Variants in ACAN observed in about 807,000 individuals in gnomAD.
ACAN encodes aggrecan core protein.
A neutral mutation model predicts 169.1 loss-of-function variants in ACAN; 47 were observed. That is an observed-to-expected ratio of 0.28 (90% confidence interval 0.22 to 0.35). The LOEUF (loss-of-function observed/expected upper bound fraction) is 0.35. Ranked by LOEUF, ACAN falls within the 10% of genes least tolerant of loss-of-function variation. ACAN has a pLI of 1.00. For missense variants in ACAN, 2,716 were observed against 2,759.9 expected, an observed-to-expected ratio of 0.98 and a Z score of 0.36; for synonymous variants, 1,115 against 1,112.2, an observed-to-expected ratio of 1.00 and a Z score of -0.05.
At position 88,847,193 on chromosome 15, in the gene ACAN, G is replaced by A. The variant is rs191413025; in HGVS notation, c.1430-50G>A. 8,091 of 1,485,210 alleles carry A rather than the reference G, an allele frequency of 5.4e-3. 362 individuals are homozygous for A. In the African/African-American group the frequency reaches 0.1, roughly 18 times the overall value. The allele number at this position is 1,485,210 out of a possible 1,614,324, so 92.0% of individuals were successfully genotyped here. ...CCTCTGTGCCCATGGAGCCTTGGAA[G>A]CTGCACACCGTGGGTCCCTGAACCT... On this transcript the variant is annotated intron_variant, in intron 7 of 18. Transcript: ENST00000560601.
Position 88,855,127 on chromosome 15 carries a change from G to GTGCCCAGCTGGACTGAGC in ACAN, c.2552_2569dup (p.Trp851_Ser856dup). 1 of 1,607,666 alleles carries GTGCCCAGCTGGACTGAGC rather than the reference G, an allele frequency of 6.2e-7. No individual in the cohort carries two copies. Among genetic ancestry groups the GTGCCCAGCTGGACTGAGC allele is most frequent in the Non-Finnish European group, 8.5e-7 (1 of 1,176,486 alleles). ...AGAGCCGTATACACCTTCACCCCCC[G>GTGCCCAGCTGGACTGAGC]TGCCCAGCTGGACTGAGCTGCCCAG... On this transcript the variant is annotated inframe_insertion, in exon 12 of 19. Coordinates refer to ENST00000560601, the MANE Select transcript of ACAN (RefSeq NM_001369268.1).
In ACAN at chr15:88,871,194, A is replaced by G. The variant is rs1897370071; in HGVS notation, c.7061-188A>G. Among the ~76,000 whole-genome samples the G allele has an allele frequency of 6.6e-6, 1 of 152,172 alleles. No homozygotes were observed. The highest frequency in any genetic ancestry group is 2.4e-5 in the African/African-American group (1 of 41,438). ...CCCTGGCATTTTCCCGAGTGGAAGCATGTGCAGAGGCTCCCAGGGACCAGA... is the reference window on the plus strand; with the variant it reads ...CCCTGGCATTTTCCCGAGTGGAAGCGTGTGCAGAGGCTCCCAGGGACCAGA... On this transcript the variant is annotated intron_variant, in intron 14 of 18. Transcript: ENST00000560601. The surrounding 1 kb of genome is among the most constrained non-coding windows in gnomAD (Gnocchi z 7.8).
intron 1 of ACAN, among the ~76,000 whole-genome samples, chr15:88,817,798 G>A (rs1895977017): frequency 7.4e-6 from 1 of 134,898 alleles, no homozygotes; most frequent in African/African-American, 2.8e-5. Flanking sequence ...AGGTTGCAGT[G>A]AGCCCAGATC....
intron 1 of ACAN, among the ~76,000 whole-genome samples, chr15:88,827,353 C>T (rs1896249584): frequency 6.6e-6 from 1 of 152,170 alleles, no homozygotes. Context: ...GGTGGGGGGC[C>T]CCATTGTTTG....
chr15:88,857,452 A>G lies in ACAN; in HGVS notation c.4867A>G (p.Ser1623Gly), dbSNP rs1897081930. 2 of 1,613,908 alleles carry G rather than the reference A, an allele frequency of 1.2e-6. No individual in the cohort carries two copies. Among genetic ancestry groups the G allele is most frequent in the Non-Finnish European group, 1.7e-6 (2 of 1,179,896 alleles). The change falls in exon 12 of 19, where the codon AGT becomes GGT. Residue 1623 changes from serine to glycine, a missense_variant. Transcript: ENST00000560601. ...AGGAAGTGGGCAAGCTCCAGAAACA[A>G]GTGGTCTTCCCTCTGGATTTAGTGG... ...TLGSGQAPET[S>G]GLPSGFSGEY...
intron 9 of ACAN, 84 bp downstream of exon 9, chr15:88,848,122 G>T (rs1896840687): frequency 6.5e-7 from 1 of 1,542,380 alleles, no homozygotes; most frequent in Non-Finnish European, 8.8e-7. Flanking sequence ...AGAAGAGAGG[G>T]GGTTACCACC....
chr15:88,826,216 T>C (rs188477451), intron 1 of ACAN, among the ~76,000 whole-genome samples: 56 of 152,316 alleles, frequency 3.7e-4, no homozygotes, highest in African/African-American at 1.2e-3. Context: ...ATGATGATCA[T>C]GCTTTTGTAG....
At chr15:88,853,749 G>T (rs138169651) in intron 11 of ACAN, among the ~76,000 whole-genome samples, 1 of 124,666 alleles carries the variant, frequency 8.0e-6, no homozygotes, top group Middle Eastern at 3.9e-3. Flanking sequence ...TAGATAGATA[G>T]ATAGATACAT....
rs1270782611 is a variant in ACAN, at chr15:88,838,652, C to T, written c.71-11C>T. ...AACAGGTCTCTCTTCTACCCCACCT[C>T]TCCCACACAGACCATGACAACTCGC... On this transcript the variant is annotated splice_polypyrimidine_tract_variant and intron_variant, in intron 2 of 18. Coordinates refer to ENST00000560601, the MANE Select transcript of ACAN (RefSeq NM_001369268.1). This position sits in a 1 kb window ranked among gnomAD's most constrained non-coding sequence, Gnocchi z 5.1. 1 of 1,569,180 alleles carries T rather than the reference C, an allele frequency of 6.4e-7. No individual in the cohort carries two copies. The highest frequency in any genetic ancestry group is 1.3e-5 in the African/African-American group (1 of 74,398).
At chr15:88,833,689 A>G (rs1896422572) in intron 1 of ACAN, among the ~76,000 whole-genome samples, 1 of 151,864 alleles carries the variant, frequency 6.6e-6, no homozygotes, top group South Asian at 2.1e-4. Context: ...AAAAAGAAAT[A>G]AAATTAGTTT....
chr15:88,815,150 T>C, intron 1 of ACAN, among the ~76,000 whole-genome samples: 1 of 152,142 alleles, frequency 6.6e-6, no homozygotes, highest in African/African-American at 2.4e-5. Context: ...CCTCTCTTGG[T>C]TCCACTAGAA....
rs979192306 is a variant in ACAN at position 88,866,029 on chromosome 15, C to T, written c.6947-2187C>T. ...CCGTGAAAAAAAAAATTCTGAGCCC[C>T]GGAATTTGTTCCTTCAGTCCCCGCA... On this transcript the variant is annotated intron_variant, in intron 13 of 18. Coordinates refer to ENST00000560601, the MANE Select transcript of ACAN (RefSeq NM_001369268.1). This position sits in a 1 kb window ranked among gnomAD's most constrained non-coding sequence, Gnocchi z 5.6. 6.6e-5 allele frequency among the ~76,000 whole-genome samples: 10 copies of T among 152,274 alleles called. No individual in the cohort carries two copies. Among genetic ancestry groups the T allele is most frequent in the Admixed American group, 5.9e-4 (9 of 15,294 alleles).
At chr15:88,812,131 C>A (rs990519121) in intron 1 of ACAN, among the ~76,000 whole-genome samples, 3 of 152,158 alleles carry the variant, frequency 2.0e-5, no homozygotes, top group African/African-American at 7.2e-5. Flanking sequence ...CTCGGGTTAG[C>A]GCCTCGGCCT....
chr15:88,874,467 A>G lies in ACAN; in HGVS notation c.7693A>G (p.Ser2565Gly), dbSNP rs2030777200. Residue 2565 changes from serine (S) to glycine (G), a missense_variant, in exon 19 of 19, where the codon AGC (serine) becomes GGC (glycine). Physicochemically the swap from Ser to Gly is moderately conservative, Grantham distance 56. Transcript: ENST00000560601. The surrounding 1 kb of genome is among the most constrained non-coding windows in gnomAD (Gnocchi z 7.3). ...SSRHPRRSRP[S>G]TAH is the part of the protein sequence containing the mutation. Reference sequence around the variant, plus strand: ...ACGGCACCCTCGGAGGAGCCGCCCCAGCACAGCCCACTGAGAAGAGCTTCC... The same window carrying G: ...ACGGCACCCTCGGAGGAGCCGCCCCGGCACAGCCCACTGAGAAGAGCTTCC... 2.5e-6 allele frequency: 4 copies of G among 1,603,608 alleles called. No individual in the cohort carries two copies. The highest frequency in any genetic ancestry group is 3.4e-6 in the Non-Finnish European group (4 of 1,175,482).
At position 88,874,928 on chromosome 15, in the gene ACAN, A is replaced by G. The variant is rs995488308; in HGVS notation, c.*447A>G. 4 of 324,644 alleles carry G rather than the reference A, an allele frequency of 1.2e-5. No individual in the cohort carries two copies. The highest frequency in any genetic ancestry group is 8.6e-5 in the African/African-American group (4 of 46,270). The allele number at this position is 324,644 out of a possible 1,614,324, so 20.1% of individuals were successfully genotyped here. Reference sequence around the variant, plus strand: ...GGGCTCCAAAGGAGCTGGAAGGAGCAGAGGCCTGAGAGCAGGAAGAACTCG... The same window carrying G: ...GGGCTCCAAAGGAGCTGGAAGGAGCGGAGGCCTGAGAGCAGGAAGAACTCG... On this transcript the variant is annotated 3_prime_UTR_variant, in exon 19 of 19. Coordinates refer to ENST00000560601, the MANE Select transcript of ACAN (RefSeq NM_001369268.1). This position sits in a 1 kb window ranked among gnomAD's most constrained non-coding sequence, Gnocchi z 7.3.
rs59061953 is a variant in ACAN, at chr15:88,841,495, G to GA, written c.630-238dup. Among the ~76,000 whole-genome samples, 33,378 of 112,678 alleles carry GA rather than the reference G, an allele frequency of 0.3. 4,952 individuals are homozygous for GA. The highest frequency in any genetic ancestry group is 0.49 in the African/African-American group (17,697 of 35,962). 73.9% of individuals were successfully genotyped at this position (112,678 alleles called of 152,430 possible). ...AATATTTACTATCTTGCCTTTTATA[G>GA]AAAAAAATATGTGAGCCCCTGATAG... On this transcript the variant is annotated intron_variant, in intron 4 of 18. Transcript: ENST00000560601.
At position 88,873,032 on chromosome 15, in the gene ACAN, T is replaced by G; in HGVS notation, c.7447+7T>G. The G allele has an allele frequency of 1.2e-6, 2 of 1,611,726 alleles. No individual in the cohort carries two copies. The highest frequency in any genetic ancestry group is 1.7e-6 in the Non-Finnish European group (2 of 1,178,952). ...ACGTGTAAAAAGGGCACAGGTAAGCTGGCGCCTGGGAGGGGTCAGGGGAGG... is the reference window on the plus strand; with the variant it reads ...ACGTGTAAAAAGGGCACAGGTAAGCGGGCGCCTGGGAGGGGTCAGGGGAGG... On this transcript the variant is annotated splice_region_variant and intron_variant, in intron 17 of 18. Coordinates refer to ENST00000560601, the MANE Select transcript of ACAN (RefSeq NM_001369268.1). This position sits in a 1 kb window ranked among gnomAD's most constrained non-coding sequence, Gnocchi z 7.5.
chr15:88,843,960 G>C lies in ACAN; in HGVS notation c.1051+312G>C, dbSNP rs767933898. On this transcript the variant is annotated intron_variant, in intron 6 of 18. Transcript: ENST00000560601. The surrounding 1 kb of genome is among the most constrained non-coding windows in gnomAD (Gnocchi z 4.0). ...CCTACTACTGTGCAACCCTGGCAAA[G>C]TCAAGGCTGTGAACCTCACTCTTCT... is the stretch of plus-strand genomic sequence containing the variant. Among the ~76,000 whole-genome samples, 8 of 152,160 alleles carry C rather than the reference G, an allele frequency of 5.3e-5. No homozygotes were observed. The highest frequency in any genetic ancestry group is 1.0e-4 in the Non-Finnish European group (7 of 68,026).
intron 1 of ACAN, among the ~76,000 whole-genome samples, chr15:88,829,995 A>T (rs12916186): frequency 0.62 from 94,112 of 151,790 alleles, 29,583 homozygotes; most frequent in Middle Eastern, 0.73. Flanking sequence ...GCTGGGGGGA[A>T]TACAACCCAG....
Sources: gnomAD v4.1 joint callset for allele counts (sites outside exome capture counted in the v4.1 genomes callset) on GRCh38, gnomAD v4.1.1 for gene constraint, Gnocchi (gnomAD v3.1) non-coding constraint, MANE v1.5 for transcripts, NCBI Gene and HGNC (gene_info 2026-07-23, HGNC 2026-07-21) for gene names.